YTHDF1: variants seen among roughly 807,000 people sequenced by gnomAD.
YTHDF1 encodes the protein YTH N6-methyladenosine RNA binding protein F1.
A neutral mutation model predicts 49.1 loss-of-function variants in YTHDF1; 16 were observed. That is an observed-to-expected ratio of 0.33 (90% confidence interval 0.22 to 0.49). YTHDF1 has a LOEUF of 0.49. Among genes scored for constraint, YTHDF1 ranks in the 20% least tolerant of loss-of-function variants. YTHDF1 has a pLI of 0.99. For missense variants in YTHDF1, 621 were observed against 744.3 expected, an observed-to-expected ratio of 0.83 and a Z score of 1.93; for synonymous variants, 313 against 290.1, an observed-to-expected ratio of 1.08 and a Z score of -0.80.
intron 3 of YTHDF1, among the ~76,000 whole-genome samples, chr20:63,204,744 C>CGTA (rs1225966684): frequency 2.6e-5 from 4 of 152,124 alleles, no homozygotes; most frequent in Non-Finnish European, 5.9e-5. Flanking sequence ...AGTGCCCCAT[C>CGTA]GTAGGGGTCT....
In YTHDF1 at chr20:63,203,993, A is replaced by G. The variant is rs1417260944; in HGVS notation, c.133-186T>C. ...AATCAAGACAGAGAAATTAATAACG[A>G]ACACAAACCAGGGTGCCGTCTCAAA... On this transcript the variant is annotated intron_variant, in intron 3 of 4. Coordinates refer to ENST00000370339, the MANE Select transcript of YTHDF1 (RefSeq NM_017798.4). This position sits in a 1 kb window ranked among gnomAD's most constrained non-coding sequence, Gnocchi z 4.4. Among the ~76,000 whole-genome samples the G allele has an allele frequency of 6.6e-6, 1 of 152,198 alleles. No homozygotes were observed. Among genetic ancestry groups the G allele is most frequent in the African/African-American group, 2.4e-5 (1 of 41,432 alleles).
chr20:63,199,375 T>C (rs1461139723), intron 4 of YTHDF1, among the ~76,000 whole-genome samples: 1 of 151,882 alleles, frequency 6.6e-6, no homozygotes, highest in African/African-American at 2.4e-5. Context: ...AAAAATTCGC[T>C]GGGCGTGGTG....
At chr20:63,213,147 C>A (rs1220834132) in intron 3 of YTHDF1, among the ~76,000 whole-genome samples, 1 of 152,222 alleles carries the variant, frequency 6.6e-6, no homozygotes, top group Non-Finnish European at 1.5e-5. Context: ...AAAATTGAAA[C>A]CAGGCTGGGC....
chr20:63,201,304 T>A (rs2066516215), intron 4 of YTHDF1, among the ~76,000 whole-genome samples: 2 of 152,124 alleles, frequency 1.3e-5, no homozygotes, highest in Admixed American at 6.6e-5. Context: ...TGCTCACAGG[T>A]GAATAATTCC....
chr20:63,212,102 G>C (rs541852868), intron 3 of YTHDF1, among the ~76,000 whole-genome samples: 77 of 151,910 alleles, frequency 5.1e-4, no homozygotes, highest in African/African-American at 1.7e-3. Flanking sequence ...GAACACACTA[G>C]AAAACAAGAA....
At chr20:63,198,210 A>C (rs1049881157) in intron 4 of YTHDF1, among the ~76,000 whole-genome samples, 5 of 151,326 alleles carry the variant, frequency 3.3e-5, no homozygotes, top group African/African-American at 1.2e-4. Context: ...AGGTGGGTGG[A>C]TTGCCTGAGC....
intron 4 of YTHDF1, among the ~76,000 whole-genome samples, chr20:63,201,494 T>C (rs923456740): frequency 5.3e-5 from 8 of 152,218 alleles, no homozygotes; most frequent in African/African-American, 1.4e-4. Flanking sequence ...TTTACGGGCA[T>C]CTGAGCCCTT....
rs754796963 is a variant in YTHDF1 at position 63,203,129 on chromosome 20, T to C, written c.811A>G (p.Ile271Val). The stretch of plus-strand genomic sequence containing the variant: ...GGCCCCTTGTTATCCCAGGTGCCAA[T>C]GTCCATGTTATGCTTTATGGGTGGA... ...PPPPIKHNMD[I>V]GTWDNKGPVP... is the part of the protein sequence containing the mutation. The change falls in exon 4 of 5, where the codon ATT becomes GTT. Residue 271 changes from isoleucine to valine, a missense_variant. Physicochemically the swap from Ile to Val is conservative, Grantham distance 29. Around this residue, in one of 2 missense-constraint regions of YTHDF1, gnomAD observed 470 missense variants for 495.8 expected, o/e 0.95. Coordinates refer to ENST00000370339, the MANE Select transcript of YTHDF1 (RefSeq NM_017798.4). This position sits in a 1 kb window ranked among gnomAD's most constrained non-coding sequence, Gnocchi z 4.4. 1 of 1,613,020 alleles carries C rather than the reference T, an allele frequency of 6.2e-7. No individual in the cohort carries two copies.
At chr20:63,196,861 C>A (rs913588533) in intron 4 of YTHDF1, 127 bp from the exon 5 acceptor site, 37 of 1,010,256 alleles carry the variant, frequency 3.7e-5, no homozygotes, top group South Asian at 1.1e-4. Flanking sequence ...GAATGGTACC[C>A]AAGCCACACC....
At chr20:63,206,987 T>G (rs974854296) in intron 3 of YTHDF1, among the ~76,000 whole-genome samples, 14 of 152,206 alleles carry the variant, frequency 9.2e-5, no homozygotes, top group Admixed American at 6.5e-4. Flanking sequence ...TCGGGCTGCC[T>G]GGAAAACACA....
At chr20:63,209,000 A>G (rs1172221398) in intron 3 of YTHDF1, among the ~76,000 whole-genome samples, 2 of 152,282 alleles carry the variant, frequency 1.3e-5, no homozygotes, top group Non-Finnish European at 2.9e-5. Flanking sequence ...TAACCTGTAC[A>G]GTGTGTAACT....
chr20:63,198,833 G>A (rs957500356), intron 4 of YTHDF1, among the ~76,000 whole-genome samples: 3 of 152,226 alleles, frequency 2.0e-5, no homozygotes, highest in African/African-American at 7.2e-5. Context: ...CAGTCAGTCT[G>A]AGGAACTAAG....
chr20:63,209,605 AC>A (rs1257930435), intron 3 of YTHDF1, among the ~76,000 whole-genome samples: 1 of 152,200 alleles, frequency 6.6e-6, no homozygotes, highest in African/African-American at 2.4e-5. Context: ...CCCCATCTCT[AC>A]AAAAAATCAA....
In YTHDF1 at chr20:63,202,577, G is replaced by A; in HGVS notation, c.1363C>T (p.Pro455Ser). 2 of 1,614,200 alleles carry A rather than the reference G, an allele frequency of 1.2e-6. No homozygotes were observed. Among genetic ancestry groups the A allele is most frequent in the Non-Finnish European group, 1.7e-6 (2 of 1,180,048 alleles). Reference sequence around the variant, plus strand: ...CCGGCACTGGTGCCGTAGTCCACGGGGGACTTCATCTCGGCCACCCCACAA... The same window carrying A: ...CCGGCACTGGTGCCGTAGTCCACGGAGGACTTCATCTCGGCCACCCCACAA... Reference protein sequence around the residue: ...HFCGVAEMKSPVDYGTSAGVW... With the variant: ...HFCGVAEMKSSVDYGTSAGVW... The change falls in exon 4 of 5, where the codon CCC becomes TCC. Residue 455 changes from proline (P) to serine (S), a missense_variant. Pro to Ser is a moderately conservative substitution (Grantham distance 74). Coordinates refer to ENST00000370339, the MANE Select transcript of YTHDF1 (RefSeq NM_017798.4).
chr20:63,203,668 T>C lies in YTHDF1; in HGVS notation c.272A>G (p.Gln91Arg), dbSNP rs754470213. The C allele has an allele frequency of 1.9e-6, 3 of 1,614,202 alleles. No homozygotes were observed. The highest frequency in any genetic ancestry group is 2.2e-5 in the South Asian group (2 of 91,090). ...PPIPYLTTYG[Q>R]LSNGDHHFMH... Reference sequence around the variant, plus strand: ...AAAATGATGGTCTCCGTTACTGAGCTGTCCGTAGGTGGTGAGGTATGGAAT... The same window carrying C: ...AAAATGATGGTCTCCGTTACTGAGCCGTCCGTAGGTGGTGAGGTATGGAAT... The change falls in exon 4 of 5, where the codon CAG (glutamine) becomes CGG (arginine). Residue 91 changes from glutamine to arginine, a missense_variant. By Grantham distance (43) the Gln-to-Arg change is conservative. Around this residue, in one of 2 missense-constraint regions of YTHDF1, gnomAD observed 470 missense variants for 495.8 expected, o/e 0.95. Transcript: ENST00000370339. This position sits in a 1 kb window ranked among gnomAD's most constrained non-coding sequence, Gnocchi z 4.4.
chr20:63,205,090 GC>G (rs1225046825), intron 3 of YTHDF1, among the ~76,000 whole-genome samples: 2 of 151,762 alleles, frequency 1.3e-5, no homozygotes, highest in Non-Finnish European at 2.9e-5. Context: ...CCCGCTCCCC[GC>G]CCCCCAGTCC....
chr20:63,203,409 G>T lies in YTHDF1; in HGVS notation c.531C>A (p.Ala177=). ...PGFHSDTLSK[A]PGMNSLEQGM... ...CCTGCTCCAGGCTGTTCATCCCGGG[G>T]GCCTTGCTGAGGGTGTCGCTGTGAA... The change falls in exon 4 of 5, where the codon GCC becomes GCA. Residue 177 remains alanine, a synonymous_variant. Coordinates refer to ENST00000370339, the MANE Select transcript of YTHDF1 (RefSeq NM_017798.4). The surrounding 1 kb of genome is among the most constrained non-coding windows in gnomAD (Gnocchi z 4.4). The T allele has an allele frequency of 6.2e-7, 1 of 1,612,998 alleles. No individual in the cohort carries two copies. Among genetic ancestry groups the T allele is most frequent in the Non-Finnish European group, 8.5e-7 (1 of 1,179,746 alleles).
Position 63,202,566 on chromosome 20 carries a change from G to A in YTHDF1, c.1374C>T (p.Tyr458=), listed in dbSNP as rs368566767. The A allele has an allele frequency of 4.7e-5, 76 of 1,614,110 alleles. No individual in the cohort carries two copies. The highest frequency in any genetic ancestry group is 3.3e-4 in the Middle Eastern group (2 of 6,084). The change falls in exon 4 of 5, where the codon TAC becomes TAT. Residue 458 remains tyrosine (Y), a synonymous_variant. Coordinates refer to ENST00000370339, the MANE Select transcript of YTHDF1 (RefSeq NM_017798.4). Reference sequence around the variant, plus strand: ...GAGACCAGACCCCGGCACTGGTGCCGTAGTCCACGGGGGACTTCATCTCGG... The same window carrying A: ...GAGACCAGACCCCGGCACTGGTGCCATAGTCCACGGGGGACTTCATCTCGG... The part of the protein sequence containing the change: ...GVAEMKSPVD[Y]GTSAGVWSQD...
intron 4 of YTHDF1, among the ~76,000 whole-genome samples, chr20:63,200,248 C>A (rs2066511622): frequency 6.6e-6 from 1 of 151,818 alleles, no homozygotes; most frequent in Non-Finnish European, 1.5e-5. Flanking sequence ...ATGATCCCAG[C>A]TACTTGGGAG....
Sources: gnomAD v4.1 joint callset for allele counts (sites outside exome capture counted in the v4.1 genomes callset) on GRCh38, gnomAD v4.1.1 for gene constraint, gnomAD v4.1.1 regional missense constraint, Gnocchi (gnomAD v3.1) non-coding constraint, MANE v1.5 for transcripts, NCBI Gene and HGNC (gene_info 2026-07-23, HGNC 2026-07-21) for gene names.